TENM2: variants seen among roughly 807,000 people sequenced by gnomAD.
TENM2 encodes teneurin transmembrane protein 2.
A neutral mutation model predicts 245.2 loss-of-function variants in TENM2; 52 were observed. The ratio of observed to expected loss-of-function variants is 0.21; its 90% CI spans 0.17 to 0.27. TENM2 has a LOEUF of 0.27. Ranked by LOEUF, TENM2 falls within the 10% of genes least tolerant of loss-of-function variation. The pLI is 1.00. For synonymous variants in TENM2, 1,363 were observed against 1,438.9 expected, an observed-to-expected ratio of 0.95 and a Z score of 1.19; for missense variants, 3,046 against 3,666.8, an observed-to-expected ratio of 0.83 and a Z score of 4.37.
intron 2 of TENM2, among the ~76,000 whole-genome samples, chr5:167,438,407 C>T (rs1764689689): frequency 6.6e-6 from 1 of 152,164 alleles, no homozygotes; most frequent in South Asian, 2.1e-4. Flanking sequence ...TTCAGCTTTG[C>T]AATCAACATA....
intron 2 of TENM2, among the ~76,000 whole-genome samples, chr5:167,417,047 T>C (rs537251872): frequency 9.2e-5 from 14 of 152,290 alleles, no homozygotes; most frequent in Admixed American, 3.3e-4. Context: ...TGTCTTAGGA[T>C]CTTATTTTAT....
At chr5:167,715,359 C>T (rs1205932085) in intron 2 of TENM2, among the ~76,000 whole-genome samples, 1 of 152,138 alleles carries the variant, frequency 6.6e-6, no homozygotes, top group African/African-American at 2.4e-5. Context: ...TTGAGGATTT[C>T]TTAAGAAGTC....
chr5:167,292,952 C>G (rs185853320), intron 1 of TENM2, among the ~76,000 whole-genome samples: 103 of 152,214 alleles, frequency 6.8e-4, no homozygotes, highest in African/African-American at 2.4e-3. Context: ...TGTGCAAAGG[C>G]CCAGAGGTGA....
chr5:167,775,338 C>T (rs903862597), intron 2 of TENM2, among the ~76,000 whole-genome samples: 7 of 152,102 alleles, frequency 4.6e-5, no homozygotes, highest in Admixed American at 1.3e-4. Context: ...TGGCCCTTGT[C>T]GGATGGAATT....
chr5:167,439,696 A>T (rs992243690), intron 2 of TENM2, among the ~76,000 whole-genome samples: 1 of 152,346 alleles, frequency 6.6e-6, no homozygotes, highest in African/African-American at 2.4e-5. Flanking sequence ...GGCATGTAGT[A>T]ACTTTCTATA....
chr5:167,556,166 A>G (rs1033228425), intron 2 of TENM2, among the ~76,000 whole-genome samples: 5 of 152,194 alleles, frequency 3.3e-5, no homozygotes, highest in Non-Finnish European at 7.3e-5. Flanking sequence ...GAGGAAAATT[A>G]GATTTTAATG....
chr5:167,897,579 C>T (rs1185272266), intron 3 of TENM2, among the ~76,000 whole-genome samples: 1 of 152,174 alleles, frequency 6.6e-6, no homozygotes, highest in Non-Finnish European at 1.5e-5. Flanking sequence ...ATGTTGAATA[C>T]AGACTTATCT....
At chr5:167,031,094 A>T in the TENM2 span, among the ~76,000 whole-genome samples, 1 of 152,204 alleles carries the variant, frequency 6.6e-6, no homozygotes, top group South Asian at 2.1e-4. Context: ...CCCCAGAAAG[A>T]CATTTGGAAG....
chr5:167,810,584 A>G (rs762834813), intron 2 of TENM2, among the ~76,000 whole-genome samples: 4 of 151,762 alleles, frequency 2.6e-5, no homozygotes, highest in African/African-American at 7.3e-5. Context: ...ACTTCACTAC[A>G]TAATCAAGCG....
chr5:167,172,667 T>C, the TENM2 span, among the ~76,000 whole-genome samples: 2 of 150,888 alleles, frequency 1.3e-5, no homozygotes, highest in East Asian at 3.9e-4. Flanking sequence ...CTCTGTTGCC[T>C]AGGTTGGAGT....
chr5:168,161,864 C>A (rs1757776624), intron 12 of TENM2, among the ~76,000 whole-genome samples: 1 of 147,606 alleles, frequency 6.8e-6, no homozygotes, highest in Non-Finnish European at 1.5e-5. Flanking sequence ...GAAAAGAAAT[C>A]CACAAAATAA....
intron 6 of TENM2, among the ~76,000 whole-genome samples, chr5:168,048,757 C>G (rs1460677506): frequency 6.6e-6 from 1 of 152,164 alleles, no homozygotes; most frequent in African/African-American, 2.4e-5. Flanking sequence ...CAGAGCTGTC[C>G]TAATGCTTTG....
chr5:168,078,919 T>G (rs1791723059), intron 7 of TENM2, among the ~76,000 whole-genome samples: 1 of 152,212 alleles, frequency 6.6e-6, no homozygotes, highest in Non-Finnish European at 1.5e-5. Context: ...GTGGGCTCTT[T>G]TTTGGTTCCA....
chr5:166,993,140 G>A, the TENM2 span, among the ~76,000 whole-genome samples: 2 of 152,042 alleles, frequency 1.3e-5, no homozygotes, highest in African/African-American at 2.4e-5. Context: ...TGAAATTCCC[G>A]TAGAGAGCTG....
At chr5:167,935,177 G>A (rs1377470396) in intron 3 of TENM2, among the ~76,000 whole-genome samples, 4 of 152,126 alleles carry the variant, frequency 2.6e-5, no homozygotes, top group South Asian at 2.1e-4. Context: ...ATGGAGTGTC[G>A]TGAATTATCT....
chr5:168,152,118 G>A (rs1562221523), intron 12 of TENM2, among the ~76,000 whole-genome samples: 1 of 152,124 alleles, frequency 6.6e-6, no homozygotes, highest in Non-Finnish European at 1.5e-5. Context: ...TATAAAACAG[G>A]AATAATCGTT....
intron 2 of TENM2, among the ~76,000 whole-genome samples, chr5:167,703,925 A>G (rs1758333177): frequency 6.6e-6 from 1 of 152,148 alleles, no homozygotes; most frequent in African/African-American, 2.4e-5. Context: ...TGGTTATTTA[A>G]CCCCTCTTTC....
At chr5:168,146,867 G>A (rs1756131730) in intron 12 of TENM2, among the ~76,000 whole-genome samples, 1 of 152,198 alleles carries the variant, frequency 6.6e-6, no homozygotes, top group African/African-American at 2.4e-5. Context: ...TTGCCCCCAG[G>A]TAGTTGCAAT....
intron 2 of TENM2, among the ~76,000 whole-genome samples, chr5:167,670,098 C>T (rs1413513710): frequency 1.3e-5 from 2 of 152,116 alleles, no homozygotes; most frequent in South Asian, 2.1e-4. Flanking sequence ...ATTAGTCTTT[C>T]CTCTGGGCAC....
Sources: allele counts gnomAD v4.1 joint callset (sites outside exome capture counted in the v4.1 genomes callset), GRCh38; gene constraint gnomAD v4.1.1; transcripts MANE v1.5; gene names NCBI Gene and HGNC (gene_info 2026-07-23, HGNC 2026-07-21).